Variants in DSCAM observed in about 807,000 individuals in gnomAD.
The protein encoded by DSCAM is DS cell adhesion molecule.
DSCAM carries 47 observed loss-of-function variants against 217.7 expected under a neutral mutation model. That is an observed-to-expected ratio of 0.22 (90% CI 0.17 to 0.28). The LOEUF (loss-of-function observed/expected upper bound fraction) is 0.28. Ranked by LOEUF, DSCAM falls within the 10% of genes least tolerant of loss-of-function variation. DSCAM has a pLI of 1.00. For missense variants in DSCAM, 2,080 were observed against 2,618.3 expected (o/e 0.79, Z 4.49); for synonymous variants, 1,056 against 1,015.3 (o/e 1.04, Z -0.76).
intron 11 of DSCAM, among the ~76,000 whole-genome samples, chr21:40,199,764 G>C (rs1046863348): frequency 6.6e-6 from 1 of 152,074 alleles, no homozygotes; most frequent in Non-Finnish European, 1.5e-5. Context: ...AACACGCACC[G>C]GGGCCTGTCG....
chr21:40,078,183 G>C (rs747336843), intron 26 of DSCAM, among the ~76,000 whole-genome samples: 144 of 152,172 alleles, frequency 9.5e-4, no homozygotes, highest in Non-Finnish European at 1.7e-3. Context: ...CGTGTTCATG[G>C]ATTCCTATTA....
chr21:40,066,042 C>T (rs773058227), intron 27 of DSCAM, among the ~76,000 whole-genome samples: 5 of 152,248 alleles, frequency 3.3e-5, no homozygotes, highest in African/African-American at 4.8e-5. Flanking sequence ...TCGTCCCCAC[C>T]GCCCCATGCA....
intron 1 of DSCAM, among the ~76,000 whole-genome samples, chr21:40,829,917 A>G (rs935610960): frequency 7.2e-5 from 11 of 152,162 alleles, no homozygotes; most frequent in African/African-American, 2.7e-4. Context: ...AGACTCCCAA[A>G]TTGTTCTCAT....
intron 3 of DSCAM, among the ~76,000 whole-genome samples, chr21:40,596,698 A>G (rs2077024004): frequency 6.6e-6 from 1 of 152,150 alleles, no homozygotes; most frequent in Non-Finnish European, 1.5e-5. Context: ...ACTGGGTGAT[A>G]CGAAATGTGC....
intron 1 of DSCAM, among the ~76,000 whole-genome samples, chr21:40,831,488 G>A (rs768429658): frequency 5.9e-5 from 9 of 152,178 alleles, no homozygotes; most frequent in Non-Finnish European, 1.0e-4. Context: ...ACTAATTTGG[G>A]TGTTTTTTCA....
At chr21:40,347,175 G>A (rs933006144) in intron 6 of DSCAM, among the ~76,000 whole-genome samples, 4 of 151,896 alleles carry the variant, frequency 2.6e-5, no homozygotes, top group African/African-American at 9.7e-5. Context: ...GTGCATGCCT[G>A]TAATCCCAGC....
At position 40,692,937 on chromosome 21, in the gene DSCAM, T is replaced by C. The variant is rs981754256; in HGVS notation, c.381A>G (p.Thr127=). 6.2e-7 allele frequency: 1 copy of C among 1,607,974 alleles called. No homozygotes were observed. The highest frequency in any genetic ancestry group is 8.5e-7 in the Non-Finnish European group (1 of 1,174,990). ...HIKAVLREPY[T]VRVEDQKTMR... ...TGGTTTTCTGGTCCTCCACACGGAC[T>C]GTATAGGGCTCCCGTAAAACTGGAA... is the stretch of plus-strand genomic sequence containing the variant. Residue 127 remains threonine, a synonymous_variant, in exon 3 of 33, where the codon ACA becomes ACG. Coordinates refer to ENST00000400454, the MANE Select transcript of DSCAM (RefSeq NM_001389.5).
chr21:40,612,092 G>A (rs908905268), intron 3 of DSCAM, among the ~76,000 whole-genome samples: 1 of 152,142 alleles, frequency 6.6e-6, no homozygotes, highest in Non-Finnish European at 1.5e-5. Context: ...GGTGAGTGCT[G>A]GATTCTATCT....
At chr21:40,838,763 C>T (rs1006417796) in intron 1 of DSCAM, among the ~76,000 whole-genome samples, 10 of 152,096 alleles carry the variant, frequency 6.6e-5, no homozygotes, top group African/African-American at 1.9e-4. Context: ...GAGAGACTAG[C>T]GACAAAATGA....
At chr21:40,670,143 G>A (rs2090254904) in intron 3 of DSCAM, among the ~76,000 whole-genome samples, 1 of 152,102 alleles carries the variant, frequency 6.6e-6, no homozygotes, top group South Asian at 2.1e-4. Context: ...AAGAGAAGAG[G>A]TGCAATACGT....
rs1168152463 is a variant in DSCAM, at chr21:40,338,330, T to C, written c.1554A>G (p.Gly518=). The change falls in exon 8 of 33, where the codon GGA becomes GGG. Residue 518 remains glycine (G), a synonymous_variant. Transcript: ENST00000400454. ...CACGACAGTGAATGTATGTGTCCCGTCCTGCTATTGCTGTGATGTTTTTCA... is the reference window on the plus strand; with the variant it reads ...CACGACAGTGAATGTATGTGTCCCGCCCTGCTATTGCTGTGATGTTTTTCA... ...RPMKNITAIA[G]RDTYIHCRVI... 3.1e-6 allele frequency: 5 copies of C among 1,614,218 alleles called. No individual in the cohort carries two copies. The East Asian group carries it at 1.1e-4, about 36-fold the overall frequency.
At position 40,013,092 on chromosome 21, in the gene DSCAM, T is replaced by A; in HGVS notation, c.5981A>T (p.Asp1994Val). ...GTTTCCTTTCAAATGGCCCCGGGAG[T>A]CGAGCAGTGATTCTTGGGAGCTGCT... ...KMSSSQESLL[D>V]SRGHLKGNNP... The change falls in exon 33 of 33, where the codon GAC (aspartate) becomes GTC (valine). Residue 1994 changes from aspartate to valine, a missense_variant. By Grantham distance (152) the Asp-to-Val change is radical. Transcript: ENST00000400454. The A allele has an allele frequency of 6.3e-7, 1 of 1,587,622 alleles. No individual in the cohort carries two copies. Among genetic ancestry groups the A allele is most frequent in the South Asian group, 1.2e-5 (1 of 86,864 alleles).
intron 32 of DSCAM, among the ~76,000 whole-genome samples, chr21:40,039,132 C>G (rs148389283): frequency 0.02 from 3,084 of 151,554 alleles, 101 homozygotes; most frequent in African/African-American, 0.071. Context: ...CTAACCTGCA[C>G]AATATGCACA....
intron 1 of DSCAM, among the ~76,000 whole-genome samples, chr21:40,734,937 G>C (rs2091048583): frequency 6.6e-6 from 1 of 152,230 alleles, no homozygotes; most frequent in African/African-American, 2.4e-5. Flanking sequence ...AGTAGACAAA[G>C]TAAGAAGAGA....
At chr21:40,141,252 T>C (rs1162528791) in intron 18 of DSCAM, among the ~76,000 whole-genome samples, 1 of 152,126 alleles carries the variant, frequency 6.6e-6, no homozygotes, top group Non-Finnish European at 1.5e-5. Context: ...AAGGGATAGG[T>C]CCTTGACCGC....
chr21:40,293,298 C>G (rs1209040105), intron 10 of DSCAM, among the ~76,000 whole-genome samples: 6 of 152,060 alleles, frequency 3.9e-5, no homozygotes, highest in Admixed American at 3.9e-4. Flanking sequence ...GGAGGGGCAG[C>G]CATCTCCCTT....
chr21:40,731,962 T>C (rs1569007444), intron 1 of DSCAM, among the ~76,000 whole-genome samples: 1 of 152,094 alleles, frequency 6.6e-6, no homozygotes, highest in Non-Finnish European at 1.5e-5. Context: ...CCTGACCTCA[T>C]GATCCACCTG....
chr21:40,347,191 G>A lies in DSCAM; in HGVS notation c.1210+479C>T, dbSNP rs189288400. Among the ~76,000 whole-genome samples, 864 of 151,796 alleles carry A rather than the reference G, an allele frequency of 5.7e-3. 10 individuals carry two copies. The highest frequency in any genetic ancestry group is 9.2e-3 in the Non-Finnish European group (628 of 67,940). On this transcript the variant is annotated intron_variant, in intron 6 of 32. Transcript: ENST00000400454. Reference sequence around the variant, plus strand: ...TGCATGCCTGTAATCCCAGCTACTCGGGAGGCTGAGGCAGGAGAATTGCTT... The same window carrying A: ...TGCATGCCTGTAATCCCAGCTACTCAGGAGGCTGAGGCAGGAGAATTGCTT...
At chr21:40,457,061 A>G (rs1479632199) in intron 3 of DSCAM, among the ~76,000 whole-genome samples, 3 of 152,254 alleles carry the variant, frequency 2.0e-5, no homozygotes, top group African/African-American at 7.2e-5. Context: ...TACAGGAATC[A>G]AATAGATTCT....
Sources: gnomAD v4.1 joint callset for allele counts (sites outside exome capture counted in the v4.1 genomes callset) on GRCh38, gnomAD v4.1.1 for gene constraint, MANE v1.5 for transcripts, NCBI Gene and HGNC (gene_info 2026-07-23, HGNC 2026-07-21) for gene names.